ATRN: variants seen among roughly 807,000 people sequenced by gnomAD.
ATRN encodes attractin, also known as attractin-2.
In ATRN, 54 loss-of-function variants were observed where a neutral mutation model predicts 178.7. The observed-to-expected ratio is 0.30, with a 90% CI of 0.24 to 0.38. The LOEUF is 0.38. Ranked by LOEUF, ATRN falls within the 10% of genes least tolerant of loss-of-function variation. ATRN has a pLI of 1.00. For synonymous variants in ATRN, 636 were observed against 663.0 expected (o/e 0.96, Z 0.63); for missense variants, 1,443 against 1,815.1 (o/e 0.79, Z 3.73).
At chr20:3,615,610 C>T (rs1292983204) in intron 24 of ATRN, among the ~76,000 whole-genome samples, 1 of 133,636 alleles carries the variant, frequency 7.5e-6, no homozygotes, top group Non-Finnish European at 1.6e-5. Context: ...GGCTGGAGTA[C>T]AGTGGTGCAA....
chr20:3,555,293 G>A (rs976681180), intron 6 of ATRN, among the ~76,000 whole-genome samples: 7 of 151,612 alleles, frequency 4.6e-5, no homozygotes, highest in African/African-American at 1.5e-4. Flanking sequence ...GTGAGCCACC[G>A]CGCCCGGCCG....
At chr20:3,533,443 C>T (rs761448802) in intron 1 of ATRN, among the ~76,000 whole-genome samples, 1 of 152,182 alleles carries the variant, frequency 6.6e-6, no homozygotes, top group Non-Finnish European at 1.5e-5. Flanking sequence ...GTAGACATGT[C>T]AGTAACTTCT....
chr20:3,573,358 T>A lies in ATRN; in HGVS notation c.2092+407T>A, dbSNP rs193162749. Among the ~76,000 whole-genome samples the A allele has an allele frequency of 3.4e-3, 513 of 152,302 alleles. 3 individuals carry two copies. Among genetic ancestry groups the A allele is most frequent in the African/African-American group, 0.011 (470 of 41,556 alleles). ...TCAGATACTTGAAATGTAGCTAGTG[T>A]GAGTGAAGAACTGAATTTTTAATTT... On this transcript the variant is annotated intron_variant, in intron 12 of 28. Coordinates refer to ENST00000262919, the MANE Select transcript of ATRN (RefSeq NM_139321.3).
At chr20:3,625,082 G>C (rs985648160) in intron 25 of ATRN, among the ~76,000 whole-genome samples, 2 of 152,082 alleles carry the variant, frequency 1.3e-5, no homozygotes, top group African/African-American at 4.8e-5. Context: ...AATTGAAAAA[G>C]ACAAAAAACG....
At chr20:3,566,085 AT>A (rs1292807433) in intron 11 of ATRN, among the ~76,000 whole-genome samples, 2 of 152,134 alleles carry the variant, frequency 1.3e-5, no homozygotes, top group Admixed American at 6.6e-5. Flanking sequence ...TGTTAGTGGT[AT>A]TTAGGTTGTC....
At chr20:3,617,052 C>T (rs138996131) in intron 24 of ATRN, among the ~76,000 whole-genome samples, 29 of 152,228 alleles carry the variant, frequency 1.9e-4, no homozygotes, top group Non-Finnish European at 4.0e-4. Flanking sequence ...AAGGGCTTTA[C>T]GGTAGGTATC....
At chr20:3,585,091 C>T (rs2086339322) in intron 18 of ATRN, among the ~76,000 whole-genome samples, 1 of 152,128 alleles carries the variant, frequency 6.6e-6, no homozygotes, top group Admixed American at 6.5e-5. Context: ...GAAACCAATT[C>T]TAAGAAATTG....
At chr20:3,573,169 T>C (rs1007136421) in intron 12 of ATRN, among the ~76,000 whole-genome samples, 1 of 152,196 alleles carries the variant, frequency 6.6e-6, no homozygotes, top group African/African-American at 2.4e-5. Context: ...CTGCGAGTGA[T>C]AGAGACATAA....
At chr20:3,603,781 C>T (rs940096400) in intron 23 of ATRN, among the ~76,000 whole-genome samples, 7 of 152,178 alleles carry the variant, frequency 4.6e-5, no homozygotes, top group African/African-American at 1.7e-4. Flanking sequence ...AGCCACCGCA[C>T]CCGGCCAGTA....
rs3084238 is a variant in ATRN, at chr20:3,485,610, G to GTTTTTTTTTTTTTTTT, written c.410+14107_410+14122dup. On this transcript the variant is annotated intron_variant, in intron 1 of 28. Transcript: ENST00000262919. ...TGGTTTGCCAATACATTTTTTTGAG[G>GTTTTTTTTTTTTTTTT]TTTTTTTTTTTTTTTTTTTTTTTTT... Among the ~76,000 whole-genome samples the GTTTTTTTTTTTTTTTT allele has an allele frequency of 6.6e-4, 45 of 67,906 alleles. 4 individuals are homozygous for GTTTTTTTTTTTTTTTT. Among genetic ancestry groups the GTTTTTTTTTTTTTTTT allele is most frequent in the African/African-American group, 1.7e-3 (30 of 18,126 alleles). 44.5% of individuals were successfully genotyped at this position (67,906 alleles called of 152,430 possible).
chr20:3,628,045 G>A (rs1196579201), intron 25 of ATRN, among the ~76,000 whole-genome samples: 2 of 152,112 alleles, frequency 1.3e-5, no homozygotes, highest in African/African-American at 2.4e-5. Flanking sequence ...GGTGGTGGGC[G>A]CCTATAATCC....
intron 3 of ATRN, among the ~76,000 whole-genome samples, chr20:3,542,798 TG>T (rs1208605329): frequency 6.9e-6 from 1 of 144,968 alleles, no homozygotes; most frequent in African/African-American, 2.6e-5. Context: ...AGCTAATTTT[TG>T]TATTTTTTTT....
At chr20:3,620,219 A>AGTTTT (rs58441132) in intron 24 of ATRN, among the ~76,000 whole-genome samples, 7,477 of 148,432 alleles carry the variant, frequency 0.05, 320 homozygotes, top group African/African-American at 0.11. Flanking sequence ...GCACAGGAGG[A>AGTTTT]GTTTTGTTTT....
At chr20:3,485,715 G>A (rs2084683902) in intron 1 of ATRN, among the ~76,000 whole-genome samples, 1 of 146,470 alleles carries the variant, frequency 6.8e-6, no homozygotes. Flanking sequence ...TCTGCCTCCT[G>A]GGTTCAAGCA....
intron 1 of ATRN, among the ~76,000 whole-genome samples, chr20:3,496,896 A>G (rs1437310636): frequency 6.7e-6 from 1 of 149,784 alleles, no homozygotes; most frequent in Non-Finnish European, 1.5e-5. Context: ...TGTTGAATTG[A>G]TCCCTTTACC....
chr20:3,607,047 A>G (rs2146294563), intron 24 of ATRN, among the ~76,000 whole-genome samples: 1 of 151,948 alleles, frequency 6.6e-6, no homozygotes, highest in East Asian at 1.9e-4. Context: ...TCTTTATTTG[A>G]TTCCCTTTTT....
intron 1 of ATRN, among the ~76,000 whole-genome samples, chr20:3,511,571 T>G (rs922271065): frequency 3.9e-5 from 6 of 152,138 alleles, no homozygotes; most frequent in Admixed American, 3.9e-4. Context: ...ATCTGGTAGA[T>G]TGTTTCTATT....
At chr20:3,630,195 A>G (rs1816991393) in intron 25 of ATRN, among the ~76,000 whole-genome samples, 1 of 152,208 alleles carries the variant, frequency 6.6e-6, no homozygotes, top group Admixed American at 6.5e-5. Context: ...CCAAGGGGTA[A>G]GCTAAATTGT....
intron 19 of ATRN, chr20:3,592,382 A>G (rs1439414654): frequency 3.4e-6 from 3 of 875,106 alleles, no homozygotes; most frequent in Non-Finnish European, 4.1e-6. Flanking sequence ...CCTGGGCAAC[A>G]GAGTGAGACT....
Sources: gnomAD v4.1 joint callset for allele counts (sites outside exome capture counted in the v4.1 genomes callset) on GRCh38, gnomAD v4.1.1 for gene constraint, MANE v1.5 for transcripts, NCBI Gene and HGNC (gene_info 2026-07-23, HGNC 2026-07-21) for gene names.